Variants in NUBPL observed in about 807,000 individuals in gnomAD.
NUBPL encodes the protein iron-sulfur cluster transfer protein NUBPL.
In NUBPL, 31 loss-of-function variants were observed where a neutral mutation model predicts 45.7. The observed-to-expected ratio is 0.68, with a 90% CI of 0.51 to 0.92. The LOEUF is 0.92. Among genes scored for constraint, NUBPL ranks in the 40% least tolerant of loss-of-function variants. The pLI is 0.00. For synonymous variants in NUBPL, 144 were observed against 140.9 expected (o/e 1.02, Z -0.15); for missense variants, 401 against 398.7 (o/e 1.01, Z -0.05).
Position 31,641,067 on chromosome 14 carries a change from T to G in NUBPL, c.383-32288T>G, listed in dbSNP as rs140780131. 4.8e-3 allele frequency among the ~76,000 whole-genome samples: 735 copies of G among 152,234 alleles called. 3 individuals are homozygous for G. The highest frequency in any genetic ancestry group is 8.5e-3 in the Admixed American group (130 of 15,290). ...CCTGGGTTCAAGTGATTCTTCTGCC[T>G]CAGCCTCCCCTGTAGCTGGGACTAC... On this transcript the variant is annotated intron_variant, in intron 4 of 10. Transcript: ENST00000281081.
At chr14:31,672,275 G>A (rs61997367) in intron 4 of NUBPL, among the ~76,000 whole-genome samples, 1 of 5,108 alleles carries the variant, frequency 2.0e-4, no homozygotes, top group South Asian at 0.019. Flanking sequence ...GATTAGATAT[G>A]TGTGTGTGTG....
intron 7 of NUBPL, among the ~76,000 whole-genome samples, chr14:31,799,911 T>G (rs560108596): frequency 1.3e-5 from 2 of 152,364 alleles, no homozygotes; most frequent in South Asian, 4.1e-4. Flanking sequence ...ATTTAACCCA[T>G]AGTAGAATAT....
chr14:31,643,950 TA>T (rs566659695), intron 4 of NUBPL, among the ~76,000 whole-genome samples: 4 of 152,062 alleles, frequency 2.6e-5, no homozygotes, highest in Non-Finnish European at 5.9e-5. Context: ...CTTATAATTT[TA>T]AATGATTCTT....
intron 6 of NUBPL, among the ~76,000 whole-genome samples, chr14:31,746,030 G>A (rs1049886797): frequency 7.9e-5 from 12 of 151,944 alleles, no homozygotes; most frequent in South Asian, 4.1e-4. Flanking sequence ...CCCTCACCCC[G>A]CTCAGCTGAA....
Position 31,712,557 on chromosome 14 carries a change from C to T in NUBPL, c.513+38983C>T, listed in dbSNP as rs539122178. ...GAGCAGAGGGAGCCAGCTCCGGCCT[C>T]GGCCAGCCCCAGAGAGGGGCCCCCA... On this transcript the variant is annotated intron_variant, in intron 6 of 10. Transcript: ENST00000281081. Among the ~76,000 whole-genome samples, 35 of 152,362 alleles carry T rather than the reference C, an allele frequency of 2.3e-4. No individual in the cohort carries two copies. The Middle Eastern group carries it at 0.014, about 59-fold the overall frequency.
chr14:31,779,109 A>G (rs1458796864), intron 6 of NUBPL, among the ~76,000 whole-genome samples: 1 of 152,006 alleles, frequency 6.6e-6, no homozygotes, highest in African/African-American at 2.4e-5. Flanking sequence ...TGGGAGGGAG[A>G]GGCGGGTGGA....
intron 4 of NUBPL, among the ~76,000 whole-genome samples, chr14:31,600,540 T>A (rs2034404737): frequency 6.6e-6 from 1 of 152,188 alleles, no homozygotes; most frequent in Non-Finnish European, 1.5e-5. Context: ...GGCTTGAAAT[T>A]GATTTTTTTC....
At chr14:31,663,547 G>A (rs957069142) in intron 4 of NUBPL, among the ~76,000 whole-genome samples, 3 of 152,158 alleles carry the variant, frequency 2.0e-5, no homozygotes, top group Admixed American at 6.5e-5. Context: ...TCAGATGGTC[G>A]TAGATGTGTG....
intron 4 of NUBPL, among the ~76,000 whole-genome samples, chr14:31,652,407 AT>A (rs1466149764): frequency 6.6e-6 from 1 of 152,166 alleles, no homozygotes; most frequent in African/African-American, 2.4e-5. Context: ...ATACTAATGC[AT>A]TGTGCACTTG....
intron 6 of NUBPL, among the ~76,000 whole-genome samples, chr14:31,772,570 C>A (rs2039027605): frequency 6.6e-6 from 1 of 152,096 alleles, no homozygotes; most frequent in Non-Finnish European, 1.5e-5. Context: ...CATCTGTGGG[C>A]TAGCTGGGGA....
intron 4 of NUBPL, among the ~76,000 whole-genome samples, chr14:31,666,103 T>C (rs2036404333): frequency 6.6e-6 from 1 of 150,804 alleles, no homozygotes; most frequent in Non-Finnish European, 1.5e-5. Flanking sequence ...CCCTTTATTT[T>C]GAGCCTATGT....
chr14:31,634,238 CA>C (rs2035424230), intron 4 of NUBPL, among the ~76,000 whole-genome samples: 1 of 98,168 alleles, frequency 1.0e-5, no homozygotes. Context: ...TCCCTCCCCC[CA>C]CCCCCCACCC....
intron 6 of NUBPL, among the ~76,000 whole-genome samples, chr14:31,699,512 G>A (rs1352136829): frequency 6.6e-6 from 1 of 152,268 alleles, no homozygotes; most frequent in Non-Finnish European, 1.5e-5. Context: ...CTTGGGCAGG[G>A]TCCTACTTGT....
At chr14:31,749,375 G>A (rs2038471773) in intron 6 of NUBPL, among the ~76,000 whole-genome samples, 1 of 152,164 alleles carries the variant, frequency 6.6e-6, no homozygotes, top group South Asian at 2.1e-4. Context: ...TTAAGCATTT[G>A]TTGTAAAGCT....
chr14:31,681,269 A>T (rs1320222788), intron 6 of NUBPL, among the ~76,000 whole-genome samples: 1 of 151,944 alleles, frequency 6.6e-6, no homozygotes, highest in Admixed American at 6.5e-5. Flanking sequence ...TCTTGTTTTA[A>T]TTATGTTAAA....
intron 6 of NUBPL, among the ~76,000 whole-genome samples, chr14:31,721,505 T>C (rs2037807404): frequency 6.6e-6 from 1 of 152,160 alleles, no homozygotes; most frequent in Non-Finnish European, 1.5e-5. Context: ...AATTTTTTTT[T>C]CTGTTTTTCA....
intron 3 of NUBPL, among the ~76,000 whole-genome samples, chr14:31,589,294 T>C (rs949400507): frequency 3.9e-5 from 6 of 152,148 alleles, no homozygotes; most frequent in Non-Finnish European, 8.8e-5. Context: ...TATAATAATG[T>C]CTATATGTGA....
intron 10 of NUBPL, among the ~76,000 whole-genome samples, chr14:31,853,991 A>G (rs1221320017): frequency 6.6e-6 from 1 of 152,234 alleles, no homozygotes; most frequent in East Asian, 1.9e-4. Flanking sequence ...CCTTTTTATC[A>G]AGTAAGAATA....
At chr14:31,753,331 G>C (rs1334298572) in intron 6 of NUBPL, among the ~76,000 whole-genome samples, 1 of 152,088 alleles carries the variant, frequency 6.6e-6, no homozygotes, top group Non-Finnish European at 1.5e-5. Context: ...TGGCACTGTT[G>C]ATCAAAGAAA....
Sources: gnomAD v4.1 joint callset for allele counts (sites outside exome capture counted in the v4.1 genomes callset) on GRCh38, gnomAD v4.1.1 for gene constraint, MANE v1.5 for transcripts, NCBI Gene and HGNC (gene_info 2026-07-23, HGNC 2026-07-21) for gene names.